The following FBXO34 variants were observed in gnomAD, a reference collection of about 807,000 sequenced individuals.
FBXO34 encodes F-box protein 34, also known as F-box only protein 34.
In FBXO34, 12 loss-of-function variants were observed where a neutral mutation model predicts 24.5. The observed-to-expected ratio is 0.49, with a 90% CI of 0.31 to 0.79. The LOEUF is 0.79. Among genes scored for constraint, FBXO34 ranks in the 30% least tolerant of loss-of-function variants. The pLI is 0.04. For missense variants in FBXO34, 823 were observed against 857.7 expected (o/e 0.96, Z 0.51); for synonymous variants, 320 against 311.9 (o/e 1.03, Z -0.27).
chr14:55,385,868 G>C, the FBXO34 span: 1 of 1,610,920 alleles, frequency 6.2e-7, no homozygotes. Flanking sequence ...CCTCACACCC[G>C]TCTTTACTTC....
intron 1 of FBXO34, among the ~76,000 whole-genome samples, chr14:55,288,534 C>T (rs1031005331): frequency 3.3e-5 from 5 of 152,136 alleles, no homozygotes; most frequent in Non-Finnish European, 5.9e-5. Context: ...AAACCACGTA[C>T]GGCCTGTTTG....
intron 1 of FBXO34, among the ~76,000 whole-genome samples, chr14:55,328,374 CATT>C (rs1287568365): frequency 1.3e-5 from 2 of 152,128 alleles, no homozygotes; most frequent in African/African-American, 4.8e-5. Context: ...GCTTTAGGGC[CATT>C]ATTAAGTAAA....
intron 1 of FBXO34, among the ~76,000 whole-genome samples, chr14:55,347,752 T>G (rs1224218851): frequency 6.6e-6 from 1 of 152,256 alleles, no homozygotes; most frequent in Non-Finnish European, 1.5e-5. Flanking sequence ...AGTTTCTTTT[T>G]AATGTCCCTC....
intron 1 of FBXO34, among the ~76,000 whole-genome samples, chr14:55,341,174 A>G (rs561706443): frequency 7.8e-4 from 119 of 152,262 alleles, no homozygotes; most frequent in Non-Finnish European, 9.1e-4. Flanking sequence ...GTTGAAGGTA[A>G]ACTACTAAGA....
At chr14:55,437,500 C>T in the FBXO34 span, among the ~76,000 whole-genome samples, 2 of 152,300 alleles carry the variant, frequency 1.3e-5, no homozygotes, top group African/African-American at 4.8e-5. Flanking sequence ...ATTACAGTTA[C>T]AGCACACTTA....
chr14:55,314,364 G>A (rs77542788), intron 1 of FBXO34, among the ~76,000 whole-genome samples: 149 of 152,336 alleles, frequency 9.8e-4, no homozygotes, highest in African/African-American at 3.5e-3. Flanking sequence ...ACAGACTGTA[G>A]CCTTGCAGGG....
At chr14:55,399,690 G>A in the FBXO34 span, among the ~76,000 whole-genome samples, 1 of 152,118 alleles carries the variant, frequency 6.6e-6, no homozygotes, top group East Asian at 1.9e-4. Flanking sequence ...GAGACAACAG[G>A]GTGATTTATG....
rs1399424816 is a variant in FBXO34, at chr14:55,352,119, T to G, written c.1729T>G (p.Phe577Val). The change falls in exon 2 of 2, where the codon TTT becomes GTT. Residue 577 changes from phenylalanine (F) to valine (V), a missense_variant. Around this residue, in one of 2 missense-constraint regions of FBXO34, gnomAD observed 130 missense variants for 198.6 expected, o/e 0.65. Coordinates refer to ENST00000313833, the MANE Select transcript of FBXO34 (RefSeq NM_017943.4). ...QLLEPQQYMA[F>V]LPHHIMVKIF... ...TTTGGAGCCTCAGCAGTACATGGCT[T>G]TTCTGCCCCACCACATTATGGTAAA... is the stretch of plus-strand genomic sequence containing the variant. 4.3e-6 allele frequency: 7 copies of G among 1,614,190 alleles called. No individual in the cohort carries two copies. The East Asian group carries it at 1.1e-4, about 26-fold the overall frequency.
downstream of FBXO34, chr14:55,368,801 A>G (rs530380041): frequency 6.6e-6 from 1 of 152,322 alleles, no homozygotes; most frequent in South Asian, 2.1e-4. Flanking sequence ...TTCATGACTT[A>G]TTTTCACCCA....
At chr14:55,425,439 G>A in the FBXO34 span, among the ~76,000 whole-genome samples, 31,154 of 152,020 alleles carry the variant, frequency 0.2, 4,980 homozygotes, top group African/African-American at 0.45. Flanking sequence ...AAAAACTTTG[G>A]TATGTAAATG....
chr14:55,386,050 G>A, the FBXO34 span: 2 of 1,613,084 alleles, frequency 1.2e-6, no homozygotes, highest in Non-Finnish European at 1.7e-6. Context: ...GTGCTCGACT[G>A]TAAAGCTTCT....
chr14:55,424,528 G>C, the FBXO34 span, among the ~76,000 whole-genome samples: 1 of 152,340 alleles, frequency 6.6e-6, no homozygotes, highest in African/African-American at 2.4e-5. Context: ...ATCTGATTTA[G>C]TGTATTGAGA....
the FBXO34 span, among the ~76,000 whole-genome samples, chr14:55,425,440 T>A: frequency 6.6e-6 from 1 of 152,238 alleles, no homozygotes; most frequent in East Asian, 1.9e-4. Flanking sequence ...AAAACTTTGG[T>A]ATGTAAATGA....
At chr14:55,271,706 C>T (rs928242490) in intron 1 of FBXO34, among the ~76,000 whole-genome samples, 169 bp downstream of exon 1, 25 of 150,692 alleles carry the variant, frequency 1.7e-4, no homozygotes, top group South Asian at 2.1e-4. Context: ...GGTAGGGACC[C>T]GGCCGCCTGC....
At chr14:55,316,979 G>T (rs1020286388) in intron 1 of FBXO34, among the ~76,000 whole-genome samples, 1 of 152,154 alleles carries the variant, frequency 6.6e-6, no homozygotes, top group African/African-American at 2.4e-5. Context: ...TGCAAGTACG[G>T]CTTATCAACT....
intron 1 of FBXO34, among the ~76,000 whole-genome samples, chr14:55,326,715 T>C (rs1157643936): frequency 6.6e-6 from 1 of 152,224 alleles, no homozygotes; most frequent in Non-Finnish European, 1.5e-5. Flanking sequence ...TAGTCAGATC[T>C]CTTGTTTATG....
chr14:55,386,222 T>C, the FBXO34 span: 1 of 748,930 alleles, frequency 1.3e-6, no homozygotes, highest in African/African-American at 1.8e-5. Context: ...CTGAATAATA[T>C]AATGTTCACT....
chr14:55,319,843 T>A lies in FBXO34; in HGVS notation c.-10-30538T>A, dbSNP rs747363664. Among the ~76,000 whole-genome samples, 5 of 152,158 alleles carry A rather than the reference T, an allele frequency of 3.3e-5. No individual in the cohort carries two copies. In the South Asian group the frequency reaches 1.0e-3, roughly 32 times the overall value. On this transcript the variant is annotated intron_variant, in intron 1 of 1. Transcript: ENST00000313833. ...GGTGCCCGCCACCACGCCCAGCTAA[T>A]TTTTTGTATTTTTAGTAGAGACGGG...
chr14:55,433,866 A>T, the FBXO34 span: 1 of 607,510 alleles, frequency 1.6e-6, no homozygotes. Context: ...ATTAAGGTTA[A>T]CAAAAATAAT....
Sources: allele counts gnomAD v4.1 joint callset (sites outside exome capture counted in the v4.1 genomes callset), GRCh38; gene constraint gnomAD v4.1.1; regional missense constraint gnomAD v4.1.1; transcripts MANE v1.5; gene names NCBI Gene and HGNC (gene_info 2026-07-23, HGNC 2026-07-21).